EIF4E3: variants seen among roughly 807,000 people sequenced by gnomAD.
EIF4E3 encodes eukaryotic translation initiation factor 4E family member 3.
EIF4E3 carries 26 observed loss-of-function variants against 31.7 expected under a neutral mutation model. The ratio of observed to expected loss-of-function variants is 0.82; its 90% confidence interval spans 0.60 to 1.14. EIF4E3 has a LOEUF of 1.14. Ranked by LOEUF, EIF4E3 falls within the 50% of genes most tolerant of loss-of-function variation. The pLI is 0.00. For missense variants in EIF4E3, 304 were observed against 270.9 expected, an observed-to-expected ratio of 1.12 and a Z score of -0.86; for synonymous variants, 128 against 107.7, an observed-to-expected ratio of 1.19 and a Z score of -1.17.
upstream of EIF4E3, chr3:71,753,916 G>A (rs1409665783): frequency 1.6e-4 from 152 of 976,426 alleles, no homozygotes; most frequent in Non-Finnish European, 1.8e-4. Flanking sequence ...GGCCGGCCGG[G>A]AGCGGGCTGA....
chr3:71,674,315 C>T (rs1030123504), downstream of EIF4E3, among the ~76,000 whole-genome samples: 1 of 151,576 alleles, frequency 6.6e-6, no homozygotes, highest in Non-Finnish European at 1.5e-5. Context: ...CCATGTTGGC[C>T]GGGCTGGTCT....
At position 71,715,020 on chromosome 3, in the gene EIF4E3, C is replaced by A. The variant is rs111908056; in HGVS notation, c.177-4536G>T. 5.9e-3 allele frequency among the ~76,000 whole-genome samples: 905 copies of A among 152,310 alleles called. 9 individuals carry two copies. Among genetic ancestry groups the A allele is most frequent in the African/African-American group, 0.018 (765 of 41,554 alleles). On this transcript the variant is annotated intron_variant, in intron 1 of 6. Transcript: ENST00000425534. ...ATAAACCTTCCTTCCCCAGCAGAAC[C>A]CTAGTCCAAACCCTGTCTCCACAGT...
chr3:71,717,200 G>T (rs1022990782), intron 1 of EIF4E3, among the ~76,000 whole-genome samples: 1 of 152,128 alleles, frequency 6.6e-6, no homozygotes, highest in Non-Finnish European at 1.5e-5. Context: ...TTGTTGGAGC[G>T]GCAATCTCCA....
At chr3:71,698,111 CG>C (rs1050056249) in intron 3 of EIF4E3, among the ~76,000 whole-genome samples, 1 of 152,124 alleles carries the variant, frequency 6.6e-6, no homozygotes, top group African/African-American at 2.4e-5. Flanking sequence ...GCCATTTTAA[CG>C]GGGGTAAGAT....
At chr3:71,702,620 G>T (rs1378735203) in intron 2 of EIF4E3, among the ~76,000 whole-genome samples, 1 of 150,996 alleles carries the variant, frequency 6.6e-6, no homozygotes, top group African/African-American at 2.4e-5. Flanking sequence ...AGCCCAAGAA[G>T]ATCAGTGATA....
downstream of EIF4E3, among the ~76,000 whole-genome samples, chr3:71,673,749 A>C (rs1194752178): frequency 6.6e-6 from 1 of 151,944 alleles, no homozygotes; most frequent in Non-Finnish European, 1.5e-5. Context: ...GAATGATGTC[A>C]TGTCTTGTTT....
At chr3:71,666,305 T>C in the EIF4E3 span, among the ~76,000 whole-genome samples, 1 of 152,254 alleles carries the variant, frequency 6.6e-6, no homozygotes, top group Non-Finnish European at 1.5e-5. Flanking sequence ...CGTCAGAGAA[T>C]ACTATAAACA....
In EIF4E3 at chr3:71,718,072, C is replaced by T. The variant is rs112548634; in HGVS notation, c.176+7120G>A. On this transcript the variant is annotated intron_variant, in intron 1 of 6. Transcript: ENST00000425534. The stretch of plus-strand genomic sequence containing the variant: ...GATAATTTTGTTTCAGCCAAGAGAA[C>T]CCACCTTAAAGGGGAAGACTTTAAA... 2.1e-3 allele frequency among the ~76,000 whole-genome samples: 321 copies of T among 152,322 alleles called. 1 individual carries two copies. The highest frequency in any genetic ancestry group is 7.0e-3 in the African/African-American group (289 of 41,572).
intron 1 of EIF4E3, among the ~76,000 whole-genome samples, chr3:71,723,094 G>A (rs1279926363): frequency 6.6e-6 from 1 of 152,168 alleles, no homozygotes; most frequent in African/African-American, 2.4e-5. Flanking sequence ...CTCAAAAACC[G>A]ATGTCATCTT....
intron 2 of EIF4E3, among the ~76,000 whole-genome samples, chr3:71,701,016 G>A (rs2049209188): frequency 6.6e-6 from 1 of 152,090 alleles, no homozygotes; most frequent in South Asian, 2.1e-4. Context: ...GGAGAGGATG[G>A]CCATGTACAA....
intron 1 of EIF4E3, among the ~76,000 whole-genome samples, chr3:71,737,586 A>G (rs896413767): frequency 2.6e-5 from 4 of 152,138 alleles, no homozygotes; most frequent in African/African-American, 4.8e-5. Context: ...GGCATAATCA[A>G]ACTGCTACAG....
chr3:71,750,629 G>C (rs2049917102), intron 1 of EIF4E3, among the ~76,000 whole-genome samples: 1 of 152,162 alleles, frequency 6.6e-6, no homozygotes, highest in African/African-American at 2.4e-5. Context: ...TCTAAACACA[G>C]AGTTCCTCAG....
At chr3:71,690,316 T>A in intron 5 of EIF4E3, 151 bp from the exon 6 acceptor site, 1 of 913,810 alleles carries the variant, frequency 1.1e-6, no homozygotes, top group Non-Finnish European at 1.6e-6. Context: ...ATTGTTTCTA[T>A]GGGGAATCAC....
chr3:71,716,056 C>G (rs1424522754), intron 1 of EIF4E3, among the ~76,000 whole-genome samples: 1 of 152,176 alleles, frequency 6.6e-6, no homozygotes. Flanking sequence ...GGCCCACCTA[C>G]TGTTTCTGCC....
rs1194302386 is a variant in EIF4E3 at position 71,725,369 on chromosome 3, T to C, written c.-2A>G. 1 of 976,622 alleles carries C rather than the reference T, an allele frequency of 1.0e-6. No homozygotes were observed. The highest frequency in any genetic ancestry group is 1.2e-4 in the East Asian group (1 of 8,494). 60.5% of individuals were successfully genotyped at this position (976,622 alleles called of 1,614,324 possible). A position where few individuals can be genotyped will look rare whatever the true frequency, so the allele number is the denominator to read the frequency against. ...CGCGGCGGCCGGGGGCAGCGCCATT[T>C]TCTCCGCCCCGCCTGCAAGGCCGGC... On this transcript the variant is annotated 5_prime_UTR_variant, in exon 1 of 7. Transcript: ENST00000425534. The surrounding 1 kb of genome is among the most constrained non-coding windows in gnomAD (Gnocchi z 6.1).
At chr3:71,690,258 G>A in intron 5 of EIF4E3, 93 bp from the exon 6 acceptor site, 2 of 1,344,624 alleles carry the variant, frequency 1.5e-6, no homozygotes, top group South Asian at 1.6e-5. Context: ...TGAAAATTAA[G>A]GATAAGATGG....
intron 1 of EIF4E3, among the ~76,000 whole-genome samples, chr3:71,750,628 A>G (rs1258168428): frequency 2.6e-5 from 4 of 152,188 alleles, no homozygotes; most frequent in African/African-American, 9.6e-5. Context: ...CTCTAAACAC[A>G]GAGTTCCTCA....
intron 1 of EIF4E3, among the ~76,000 whole-genome samples, chr3:71,744,547 C>T (rs2049852200): frequency 6.6e-6 from 1 of 152,142 alleles, no homozygotes; most frequent in Non-Finnish European, 1.5e-5. Context: ...GAGTTTGAGA[C>T]CAGCCTGATC....
At chr3:71,697,552 T>C (rs1275451191) in intron 3 of EIF4E3, among the ~76,000 whole-genome samples, 1 of 152,060 alleles carries the variant, frequency 6.6e-6, no homozygotes, top group Non-Finnish European at 1.5e-5. Context: ...AACCATCCCC[T>C]GTTTATCACC....
Sources: gnomAD v4.1 joint callset for allele counts (sites outside exome capture counted in the v4.1 genomes callset) on GRCh38, gnomAD v4.1.1 for gene constraint, Gnocchi (gnomAD v3.1) non-coding constraint, MANE v1.5 for transcripts, NCBI Gene and HGNC (gene_info 2026-07-23, HGNC 2026-07-21) for gene names.